THEMIS: variants seen among roughly 807,000 people sequenced by gnomAD.
The protein encoded by THEMIS is protein THEMIS.
In THEMIS, 37 loss-of-function variants were observed where a neutral mutation model predicts 52.6. That is an observed-to-expected ratio of 0.70 (90% CI 0.54 to 0.93). The LOEUF is 0.93. THEMIS is among the 40% of genes least tolerant of loss of function. The pLI, the probability that THEMIS is intolerant of heterozygous loss-of-function variation, is 0.00. For synonymous variants in THEMIS, 292 were observed against 272.7 expected (o/e 1.07, Z -0.70); for missense variants, 808 against 763.1 (o/e 1.06, Z -0.69).
rs1779367722 is a variant in THEMIS at position 127,850,071 on chromosome 6, GGCAAATGACATGAACA to G, written c.250+4943_250+4958del. Among the ~76,000 whole-genome samples, 4 of 151,856 alleles carry G rather than the reference GGCAAATGACATGAACA, an allele frequency of 2.6e-5. No individual in the cohort carries two copies. In the South Asian group the frequency reaches 8.3e-4, roughly 32 times the overall value. On this transcript the variant is annotated intron_variant, in intron 2 of 5. Transcript: ENST00000368248. ...AAACTAATAATCCCACCAACAAGTG[GGCAAATGACATGAACA>G]GCTATTTCTCAAAAGACTATACACA...
At chr6:127,885,987 C>T (rs1780633389) in intron 1 of THEMIS, among the ~76,000 whole-genome samples, 5 of 152,078 alleles carry the variant, frequency 3.3e-5, no homozygotes, top group Admixed American at 3.3e-4. Flanking sequence ...ATTGCAATGT[C>T]CAAAAGAGCC....
chr6:127,733,849 T>C (rs1583212030), intron 4 of THEMIS, among the ~76,000 whole-genome samples: 1 of 152,218 alleles, frequency 6.6e-6, no homozygotes, highest in East Asian at 1.9e-4. Flanking sequence ...ATATGACATG[T>C]AGTAAACAGA....
intron 4 of THEMIS, among the ~76,000 whole-genome samples, chr6:127,720,972 C>T (rs1399145830): frequency 6.6e-6 from 1 of 151,908 alleles, no homozygotes; most frequent in Non-Finnish European, 1.5e-5. Flanking sequence ...TTTTGCAGGG[C>T]CCTCCTACTC....
In THEMIS at chr6:127,813,785, C is replaced by CTTTACT; in HGVS notation, c.855_856insAGTAAA (p.Thr285_Glu286insSerLys). 6.2e-7 allele frequency: 1 copy of CTTTACT among 1,614,012 alleles called. No homozygotes were observed. Among genetic ancestry groups the CTTTACT allele is most frequent in the African/African-American group, 1.3e-5 (1 of 75,016 alleles). On this transcript the variant is annotated inframe_insertion, in exon 4 of 6. Coordinates refer to ENST00000368248, the MANE Select transcript of THEMIS (RefSeq NM_001010923.3). The stretch of plus-strand genomic sequence containing the variant: ...TTTCCTTCAGGTGCTTCTATGACTT[C>CTTTACT]AGTCACTATGGGGAACTCTTTACTA...
chr6:127,716,818 T>A (rs1038182199), intron 5 of THEMIS, among the ~76,000 whole-genome samples: 1 of 151,934 alleles, frequency 6.6e-6, no homozygotes, highest in South Asian at 2.1e-4. Flanking sequence ...GCTGCTGAAG[T>A]AAGATGGGGA....
intron 1 of THEMIS, among the ~76,000 whole-genome samples, chr6:127,884,900 G>A (rs1271887983): frequency 1.3e-5 from 2 of 152,104 alleles, no homozygotes; most frequent in African/African-American, 4.8e-5. Context: ...TTGCATGTGT[G>A]TATGTGTGCA....
intron 3 of THEMIS, among the ~76,000 whole-genome samples, chr6:127,821,230 T>C (rs917301538): frequency 2.0e-5 from 3 of 151,860 alleles, no homozygotes; most frequent in African/African-American, 7.2e-5. Context: ...TATTTTACAA[T>C]TGGGAAAATG....
At chr6:127,733,502 G>T (rs1402949829) in intron 4 of THEMIS, among the ~76,000 whole-genome samples, 3 of 152,172 alleles carry the variant, frequency 2.0e-5, no homozygotes, top group Non-Finnish European at 4.4e-5. Context: ...ACCCCTAGGT[G>T]GGGGTTCCAG....
At position 127,708,224 on chromosome 6, in the gene THEMIS, A is replaced by G. The variant is rs1366569136; in HGVS notation, c.*1761T>C. 1 of 152,114 alleles carries G rather than the reference A, an allele frequency of 6.6e-6. No individual in the cohort carries two copies. The highest frequency in any genetic ancestry group is 1.5e-5 in the Non-Finnish European group (1 of 68,008). 9.4% of individuals were successfully genotyped at this position (152,114 alleles called of 1,614,324 possible). On this transcript the variant is annotated 3_prime_UTR_variant, in exon 6 of 6. Transcript: ENST00000368248. ...ATAAAAATTAGGAAGTTTATTTTCA[A>G]CCTTCCCAAATCTCCAATAGGTGAG... is the stretch of plus-strand genomic sequence containing the variant.
At chr6:127,760,272 T>C (rs1775978423) in intron 4 of THEMIS, among the ~76,000 whole-genome samples, 1 of 152,128 alleles carries the variant, frequency 6.6e-6, no homozygotes, top group Non-Finnish European at 1.5e-5. Context: ...AACCATACTG[T>C]TTTGATTATT....
At chr6:127,903,943 G>A (rs149887140), upstream of THEMIS, among the ~76,000 whole-genome samples, 2 of 152,180 alleles carry the variant, frequency 1.3e-5, no homozygotes, top group Non-Finnish European at 2.9e-5. Flanking sequence ...CTGTCAGGGT[G>A]CAGAACATGA....
chr6:127,752,024 T>A (rs1775659995), intron 4 of THEMIS, among the ~76,000 whole-genome samples: 8 of 151,606 alleles, frequency 5.3e-5, no homozygotes, highest in Admixed American at 5.3e-4. Flanking sequence ...GGTATGAAAT[T>A]AGAAACAAGA....
chr6:127,784,826 A>T (rs1219074794), intron 4 of THEMIS, among the ~76,000 whole-genome samples: 1 of 152,062 alleles, frequency 6.6e-6, no homozygotes, highest in African/African-American at 2.4e-5. Context: ...GGTACTTTTT[A>T]AAAAAACTTA....
intron 2 of THEMIS, among the ~76,000 whole-genome samples, chr6:127,833,741 T>C (rs902933931): frequency 2.6e-5 from 4 of 152,154 alleles, no homozygotes; most frequent in Non-Finnish European, 5.9e-5. Flanking sequence ...TGAATAGAGA[T>C]ACTTGAGCTA....
At chr6:127,758,464 A>C (rs1411367638) in intron 4 of THEMIS, among the ~76,000 whole-genome samples, 1 of 148,334 alleles carries the variant, frequency 6.7e-6, no homozygotes, top group Non-Finnish European at 1.5e-5. Flanking sequence ...TAAATATTTA[A>C]TACTACAGTA....
intron 4 of THEMIS, among the ~76,000 whole-genome samples, chr6:127,744,550 A>T (rs555211239): frequency 6.6e-6 from 1 of 152,200 alleles, no homozygotes; most frequent in South Asian, 2.1e-4. Context: ...CCTGGAAGGC[A>T]TCACACTTAA....
At chr6:127,716,561 A>G (rs1416138730) in intron 5 of THEMIS, among the ~76,000 whole-genome samples, 1 of 151,886 alleles carries the variant, frequency 6.6e-6, no homozygotes, top group African/African-American at 2.4e-5. Context: ...CTATGGGATC[A>G]GTTGAGGTCT....
chr6:127,735,225 C>G (rs1211353494), intron 4 of THEMIS, among the ~76,000 whole-genome samples: 1 of 151,790 alleles, frequency 6.6e-6, no homozygotes, highest in African/African-American at 2.4e-5. Flanking sequence ...CAAGACTGAG[C>G]AAATGAATGC....
intron 1 of THEMIS, among the ~76,000 whole-genome samples, chr6:127,866,268 C>A (rs1045420283): frequency 1.2e-4 from 18 of 151,956 alleles, no homozygotes; most frequent in African/African-American, 4.3e-4. Flanking sequence ...TTATCATATT[C>A]ATTTATAAAG....
Sources: allele counts gnomAD v4.1 joint callset (sites outside exome capture counted in the v4.1 genomes callset), GRCh38; gene constraint gnomAD v4.1.1; transcripts MANE v1.5; gene names NCBI Gene and HGNC (gene_info 2026-07-23, HGNC 2026-07-21).